The following ZGRF1 variants were observed in gnomAD, a reference collection of about 807,000 sequenced individuals.
ZGRF1 encodes zinc finger GRF-type containing 1, also known as 5'-3' DNA helicase ZGRF1.
Under a neutral mutation model 203.5 loss-of-function variants are expected in ZGRF1, and 196 were observed. The observed-to-expected ratio is 0.96, with a 90% CI of 0.86 to 1.08. The LOEUF (loss-of-function observed/expected upper bound fraction) is 1.08. Ranked by LOEUF, ZGRF1 falls within the 50% of genes least tolerant of loss-of-function variation. The pLI, the probability that ZGRF1 is intolerant of heterozygous loss-of-function variation, is 0.00. For missense variants in ZGRF1, 2,326 were observed against 2,416.3 expected (o/e 0.96, Z 0.78); for synonymous variants, 809 against 841.3 (o/e 0.96, Z 0.66).
chr4:112,631,160 T>C (rs1459678636), intron 3 of ZGRF1, among the ~76,000 whole-genome samples: 1 of 152,176 alleles, frequency 6.6e-6, no homozygotes, highest in Non-Finnish European at 1.5e-5. Context: ...TTAAAAACTT[T>C]TTTATTTACT....
At chr4:112,599,554 TA>T (rs558887822) in intron 10 of ZGRF1, among the ~76,000 whole-genome samples, 847 of 127,684 alleles carry the variant, frequency 6.6e-3, no homozygotes, top group Middle Eastern at 0.016. Context: ...ACCCTGTGTC[TA>T]AAAAAAAAAA....
At position 112,553,948 on chromosome 4, in the gene ZGRF1, A is replaced by C. The variant is rs774503447; in HGVS notation, c.5233T>G (p.Leu1745Val). ...HAGSENESEQLKELHALMKED... is the reference protein window; with the variant it reads ...HAGSENESEQVKELHALMKED... ...TTCATTAGTGCATGTAGTTCTTTTA[A>C]CTGTTCACTTTCATTTTCTGAGCCA... is the stretch of plus-strand genomic sequence containing the variant. The change falls in exon 22 of 28, where the codon TTA (leucine) becomes GTA (valine). Residue 1745 changes from leucine to valine, a missense_variant. Coordinates refer to ENST00000505019, the MANE Select transcript of ZGRF1 (RefSeq NM_018392.5). 6.2e-7 allele frequency: 1 copy of C among 1,611,030 alleles called. No homozygotes were observed. The highest frequency in any genetic ancestry group is 1.3e-5 in the African/African-American group (1 of 74,758).
intron 24 of ZGRF1, among the ~76,000 whole-genome samples, chr4:112,546,235 T>C (rs1738742842): frequency 6.6e-6 from 1 of 152,058 alleles, no homozygotes; most frequent in Non-Finnish European, 1.5e-5. Flanking sequence ...AGGCTGGTGT[T>C]TGCCAGAAGC....
At chr4:112,581,868 A>C in intron 15 of ZGRF1, 66 bp from the exon 16 acceptor site, 1 of 792,566 alleles carries the variant, frequency 1.3e-6, no homozygotes, top group Non-Finnish European at 1.8e-6. Flanking sequence ...GAAAATCTTT[A>C]AAATACAGTA....
At chr4:112,616,550 T>A (rs1179186222) in intron 6 of ZGRF1, among the ~76,000 whole-genome samples, 1 of 139,384 alleles carries the variant, frequency 7.2e-6, no homozygotes, top group Non-Finnish European at 1.5e-5. Context: ...AGAAACACAA[T>A]TATGGGCCAG....
At chr4:112,574,657 G>GT (rs1286589584) in intron 16 of ZGRF1, among the ~76,000 whole-genome samples, 2 of 152,188 alleles carry the variant, frequency 1.3e-5, no homozygotes, top group African/African-American at 4.8e-5. Context: ...GGTGAGCTAT[G>GT]TGAGGACCAA....
rs1250859324 is a variant in ZGRF1 at position 112,586,526 on chromosome 4, G to C, written c.3835C>G (p.Leu1279Val). ...GGTATGTGAATTTGCCTTTGGGGAA[G>C]ATAAGCAGATTTTATTTTCTGCCCA... ...PSGQKIKSAY[L>V]PQRQIHIPAV... is the part of the protein sequence containing the mutation. Residue 1279 changes from leucine (L) to valine (V), a missense_variant, in exon 13 of 28, where the codon CTT becomes GTT. Leu to Val is a conservative substitution (Grantham distance 32). Transcript: ENST00000505019. 1 of 1,613,002 alleles carries C rather than the reference G, an allele frequency of 6.2e-7. No individual in the cohort carries two copies. Among genetic ancestry groups the C allele is most frequent in the East Asian group, 2.2e-5 (1 of 44,820 alleles).
At chr4:112,633,387 C>G (rs2149218961) in intron 1 of ZGRF1, 145 bp from the exon 2 acceptor site, 1 of 561,880 alleles carries the variant, frequency 1.8e-6, no homozygotes, top group Non-Finnish European at 3.1e-6. Context: ...GTGTAATTAT[C>G]TATCACTGAG....
intron 9 of ZGRF1, among the ~76,000 whole-genome samples, chr4:112,604,377 T>A (rs1459493704): frequency 6.6e-6 from 1 of 152,196 alleles, no homozygotes; most frequent in Non-Finnish European, 1.5e-5. Context: ...ATTATACAAC[T>A]ATGCATTACA....
At chr4:112,621,043 T>A (rs1424824417) in intron 4 of ZGRF1, among the ~76,000 whole-genome samples, 2 of 151,786 alleles carry the variant, frequency 1.3e-5, no homozygotes, top group Non-Finnish European at 2.9e-5. Context: ...AAAAACAAAA[T>A]TAAATTAGTA....
At chr4:112,564,692 T>C (rs910435300) in intron 16 of ZGRF1, among the ~76,000 whole-genome samples, 6 of 152,130 alleles carry the variant, frequency 3.9e-5, no homozygotes, top group Admixed American at 2.0e-4. Context: ...TAATTTTTTT[T>C]CCCCCAAATG....
chr4:112,588,971 TG>T (rs1485136216), intron 11 of ZGRF1, among the ~76,000 whole-genome samples: 1 of 152,170 alleles, frequency 6.6e-6, no homozygotes, highest in East Asian at 1.9e-4. Context: ...CCCACTCCGG[TG>T]TATTTGATTC....
chr4:112,573,758 T>A (rs1020350672), intron 16 of ZGRF1, among the ~76,000 whole-genome samples: 2 of 151,772 alleles, frequency 1.3e-5, no homozygotes, highest in African/African-American at 2.4e-5. Context: ...TTAAAGTAAG[T>A]GAAAAGACAT....
chr4:112,558,957 C>G (rs1053217857), intron 19 of ZGRF1, among the ~76,000 whole-genome samples: 1 of 152,142 alleles, frequency 6.6e-6, no homozygotes, highest in Non-Finnish European at 1.5e-5. Flanking sequence ...ACTAAGACTT[C>G]CAGAATAAGA....
chr4:112,626,546 C>T (rs2047244807), intron 3 of ZGRF1, among the ~76,000 whole-genome samples: 1 of 152,190 alleles, frequency 6.6e-6, no homozygotes, highest in South Asian at 2.1e-4. Context: ...GGTCTGTCTC[C>T]TCCACGTTAT....
chr4:112,570,176 GA>G (rs1743948239), intron 16 of ZGRF1, among the ~76,000 whole-genome samples: 1 of 152,200 alleles, frequency 6.6e-6, no homozygotes, highest in Admixed American at 6.5e-5. Flanking sequence ...AGCTTGATCT[GA>G]TCATTAAAGA....
At chr4:112,571,351 A>G (rs1414135473) in intron 16 of ZGRF1, among the ~76,000 whole-genome samples, 4 of 152,212 alleles carry the variant, frequency 2.6e-5, no homozygotes, top group Non-Finnish European at 4.4e-5. Context: ...TTCGAAAACA[A>G]TAACAAAATA....
intron 16 of ZGRF1, among the ~76,000 whole-genome samples, chr4:112,576,221 A>T (rs1221211399): frequency 6.6e-6 from 1 of 152,228 alleles, no homozygotes; most frequent in East Asian, 1.9e-4. Context: ...GAGGGTCCTG[A>T]CTGTTAGAGG....
chr4:112,566,726 G>A (rs956510667), intron 16 of ZGRF1, among the ~76,000 whole-genome samples: 11 of 152,136 alleles, frequency 7.2e-5, no homozygotes, highest in African/African-American at 2.2e-4. Flanking sequence ...ACCTCGAGTT[G>A]GAGGGCCTGT....
Sources: gnomAD v4.1 joint callset for allele counts (sites outside exome capture counted in the v4.1 genomes callset) on GRCh38, gnomAD v4.1.1 for gene constraint, MANE v1.5 for transcripts, NCBI Gene and HGNC (gene_info 2026-07-23, HGNC 2026-07-21) for gene names.